The following PPARGC1A variants were observed in gnomAD, a reference collection of about 807,000 sequenced individuals.
PPARGC1A encodes peroxisome proliferator-activated receptor gamma coactivator 1-alpha.
PPARGC1A carries 25 observed loss-of-function variants against 88.7 expected under a neutral mutation model. The observed-to-expected ratio is 0.28, with a 90% CI of 0.21 to 0.39. The LOEUF (loss-of-function observed/expected upper bound fraction) is 0.39, where lower values mean the gene tolerates loss of function less well. Ranked by LOEUF, PPARGC1A falls within the 10% of genes least tolerant of loss-of-function variation. The probability of loss-of-function intolerance (pLI) is 1.00; values close to 1 mark genes in which losing one functional copy is unlikely to be tolerated. For missense variants in PPARGC1A, 880 were observed against 968.7 expected, an observed-to-expected ratio of 0.91 and a Z score of 1.22; for synonymous variants, 363 against 355.6, an observed-to-expected ratio of 1.02 and a Z score of -0.24.
chr4:23,845,956 G>A (rs1279543722), intron 2 of PPARGC1A, among the ~76,000 whole-genome samples: 1 of 152,142 alleles, frequency 6.6e-6, no homozygotes, highest in Non-Finnish European at 1.5e-5. Context: ...ACTCATTCAT[G>A]ATTATCAGTG....
intron 2 of PPARGC1A, among the ~76,000 whole-genome samples, chr4:23,879,161 A>C (rs916218469): frequency 4.6e-5 from 7 of 152,200 alleles, no homozygotes; most frequent in African/African-American, 7.2e-5. Flanking sequence ...CCAATGATTA[A>C]ATTAAGGTGA....
chr4:23,922,698 C>T, the PPARGC1A span, among the ~76,000 whole-genome samples: 6 of 152,114 alleles, frequency 3.9e-5, no homozygotes, highest in African/African-American at 7.2e-5. Flanking sequence ...AATGAAAACG[C>T]CCAACTCATT....
the PPARGC1A span, among the ~76,000 whole-genome samples, chr4:24,343,040 T>C: frequency 1.3e-5 from 2 of 152,176 alleles, no homozygotes; most frequent in Admixed American, 6.5e-5. Flanking sequence ...TCAGTCAGCT[T>C]GTGGGATTCA....
At chr4:23,917,186 C>G in the PPARGC1A span, among the ~76,000 whole-genome samples, 15 of 152,186 alleles carry the variant, frequency 9.9e-5, no homozygotes, top group South Asian at 1.0e-3. Flanking sequence ...GCAGTAGAGA[C>G]GAAATGTATT....
At chr4:24,395,090 C>T in the PPARGC1A span, among the ~76,000 whole-genome samples, 2,340 of 152,238 alleles carry the variant, frequency 0.015, 50 homozygotes, top group African/African-American at 0.053. Flanking sequence ...TGCCACTCAC[C>T]AGCTGTGGCA....
intron 10 of PPARGC1A, among the ~76,000 whole-genome samples, chr4:23,803,375 G>A (rs1236485049): frequency 6.6e-6 from 1 of 152,044 alleles, no homozygotes; most frequent in African/African-American, 2.4e-5. Flanking sequence ...AAATAAAAGA[G>A]GCTATAAATT....
chr4:24,308,830 C>T, the PPARGC1A span, among the ~76,000 whole-genome samples: 3 of 152,116 alleles, frequency 2.0e-5, no homozygotes, highest in Admixed American at 2.0e-4. Context: ...ACAACTGGGT[C>T]CCAAAAAGAT....
chr4:24,105,070 G>A, the PPARGC1A span, among the ~76,000 whole-genome samples: 1 of 152,222 alleles, frequency 6.6e-6, no homozygotes, highest in Non-Finnish European at 1.5e-5. Flanking sequence ...ACTCACTCAT[G>A]TGGGAGCTAT....
chr4:24,361,580 C>T, the PPARGC1A span, among the ~76,000 whole-genome samples: 1 of 152,140 alleles, frequency 6.6e-6, no homozygotes, highest in African/African-American at 2.4e-5. Context: ...ACGTAACACC[C>T]TGAATTTGAT....
At chr4:24,308,938 AT>A in the PPARGC1A span, among the ~76,000 whole-genome samples, 10 of 151,470 alleles carry the variant, frequency 6.6e-5, no homozygotes, top group South Asian at 2.1e-4. Context: ...CATATCAGTG[AT>A]TTTTTTTTCA....
intron 4 of PPARGC1A, among the ~76,000 whole-genome samples, chr4:23,828,965 A>G (rs1270606676): frequency 6.6e-6 from 1 of 152,156 alleles, no homozygotes; most frequent in Non-Finnish European, 1.5e-5. Context: ...GTACCCCTTA[A>G]TGCTCCGTTT....
the PPARGC1A span, among the ~76,000 whole-genome samples, chr4:24,329,206 C>G: frequency 6.6e-6 from 1 of 151,518 alleles, no homozygotes; most frequent in African/African-American, 2.4e-5. Flanking sequence ...TTTATTTGTT[C>G]AAGTGAAACC....
At chr4:23,862,750 C>T (rs570559627) in intron 2 of PPARGC1A, among the ~76,000 whole-genome samples, 10 of 152,252 alleles carry the variant, frequency 6.6e-5, no homozygotes, top group Admixed American at 1.3e-4. Flanking sequence ...AGAAGCCTGG[C>T]GAATTATCAA....
Position 23,814,429 on chromosome 4 carries a change from A to G in PPARGC1A, c.1054T>C (p.Ser352Pro). The G allele has an allele frequency of 6.2e-7, 1 of 1,613,604 alleles. No individual in the cohort carries two copies. The highest frequency in any genetic ancestry group is 1.3e-5 in the African/African-American group (1 of 74,888). Reference sequence around the variant, plus strand: ...TTGCTGAGTTGTGCATACAACTCGGATTGCTCCGGCCCTTTCTTGGTGGAG... The same window carrying G: ...TTGCTGAGTTGTGCATACAACTCGGGTTGCTCCGGCCCTTTCTTGGTGGAG... ...NNSTKKGPEQ[S>P]ELYAQLSKSS... The change falls in exon 8 of 13, where the codon TCC (serine) becomes CCC (proline). Residue 352 changes from serine (S) to proline (P), a missense_variant. Physicochemically the swap from Ser to Pro is moderately conservative, Grantham distance 74. Transcript: ENST00000264867.
At chr4:24,375,552 C>T in the PPARGC1A span, among the ~76,000 whole-genome samples, 2 of 152,128 alleles carry the variant, frequency 1.3e-5, no homozygotes, top group African/African-American at 4.8e-5. Context: ...ATTCATTCAA[C>T]AAATATTTAT....
At chr4:24,427,984 A>T in the PPARGC1A span, among the ~76,000 whole-genome samples, 5 of 151,958 alleles carry the variant, frequency 3.3e-5, no homozygotes, top group Admixed American at 2.0e-4. Flanking sequence ...CCATGGTGGC[A>T]TATGTCTTTA....
intron 7 of PPARGC1A, among the ~76,000 whole-genome samples, chr4:23,819,923 T>A (rs1379920036): frequency 6.6e-6 from 1 of 152,154 alleles, no homozygotes; most frequent in Non-Finnish European, 1.5e-5. Flanking sequence ...TATTTTACTT[T>A]GGTCCACTTT....
chr4:23,883,735 C>T (rs1346060422), intron 2 of PPARGC1A: 1 of 152,160 alleles, frequency 6.6e-6, no homozygotes, highest in Non-Finnish European at 1.5e-5. Flanking sequence ...ATTCATCATT[C>T]TCTCATGATT....
chr4:24,079,968 T>C, the PPARGC1A span, among the ~76,000 whole-genome samples: 2 of 152,178 alleles, frequency 1.3e-5, no homozygotes, highest in Non-Finnish European at 2.9e-5. Context: ...CATTGCAATG[T>C]CTACTAGAGA....
Sources: gnomAD v4.1 joint callset for allele counts (sites outside exome capture counted in the v4.1 genomes callset) on GRCh38, gnomAD v4.1.1 for gene constraint, MANE v1.5 for transcripts, NCBI Gene and HGNC (gene_info 2026-07-23, HGNC 2026-07-21) for gene names.